SAMD5: variants seen among roughly 807,000 people sequenced by gnomAD.
SAMD5 encodes the protein sterile alpha motif domain containing 5.
A neutral mutation model predicts 11.3 loss-of-function variants in SAMD5; 13 were observed. That is an observed-to-expected ratio of 1.15 (90% CI 0.75 to 1.83). The LOEUF (loss-of-function observed/expected upper bound fraction) is 1.83, where lower values mean the gene tolerates loss of function less well. Among genes scored for constraint, SAMD5 ranks in the 40% most tolerant of loss-of-function variants. The pLI, the probability that SAMD5 is intolerant of heterozygous loss-of-function variation, is 0.00. For missense variants in SAMD5, 255 were observed against 239.1 expected, an observed-to-expected ratio of 1.07 and a Z score of -0.44; for synonymous variants, 129 against 111.3, an observed-to-expected ratio of 1.16 and a Z score of -1.00.
At chr6:147,540,775 G>GA (rs1788587370) in intron 1 of SAMD5, among the ~76,000 whole-genome samples, 1 of 54,430 alleles carries the variant, frequency 1.8e-5, no homozygotes, top group Non-Finnish European at 2.9e-5. Context: ...GACAGAGAGA[G>GA]AGGGGGGGGG....
chr6:147,630,868 C>G (rs998114808), intron 1 of SAMD5, among the ~76,000 whole-genome samples: 19 of 152,000 alleles, frequency 1.3e-4, no homozygotes, highest in Non-Finnish European at 2.5e-4. Context: ...ATCCATAAAC[C>G]CAAAACTCCA....
At chr6:147,894,126 A>ATT in the SAMD5 span, among the ~76,000 whole-genome samples, 353 of 124,146 alleles carry the variant, frequency 2.8e-3, 4 homozygotes, top group East Asian at 0.012. Context: ...TTTGTTTTGT[A>ATT]TTTTTTTTTT....
At position 147,539,600 on chromosome 6, in the gene SAMD5, T is replaced by C. The variant is rs1038670904; in HGVS notation, c.460-24794T>C. Among the ~76,000 whole-genome samples the C allele has an allele frequency of 4.6e-5, 7 of 152,166 alleles. No individual in the cohort carries two copies. In the East Asian group the frequency reaches 9.7e-4, roughly 21 times the overall value. On this transcript the variant is annotated intron_variant, in intron 1 of 1. Transcript: ENST00000367474. ...GGAAAACAGAGGTTTTTGTTTTTTT[T>C]CCCAAAATGGGGCCTGCGGTGCCTT...
the SAMD5 span, among the ~76,000 whole-genome samples, chr6:147,909,007 G>A: frequency 6.6e-6 from 1 of 152,174 alleles, no homozygotes; most frequent in African/African-American, 2.4e-5. Flanking sequence ...CCAGGAGTTC[G>A]AGACCAACCT....
chr6:147,525,693 G>A (rs1449360917), intron 1 of SAMD5, among the ~76,000 whole-genome samples: 6 of 152,116 alleles, frequency 3.9e-5, no homozygotes, highest in South Asian at 4.2e-4. Context: ...CTATGTGAGC[G>A]AAATCAACAC....
intron 1 of SAMD5, among the ~76,000 whole-genome samples, chr6:147,713,124 T>G (rs1315313801): frequency 1.3e-5 from 2 of 152,230 alleles, no homozygotes; most frequent in Non-Finnish European, 2.9e-5. Context: ...CATCACTTCT[T>G]AAAGCAATAC....
At chr6:147,726,527 C>CCCAGGCCCAGGT (rs1195551274) in intron 1 of SAMD5, among the ~76,000 whole-genome samples, 1 of 152,160 alleles carries the variant, frequency 6.6e-6, no homozygotes, top group Non-Finnish European at 1.5e-5. Context: ...GGGGCCCAGG[C>CCCAGGCCCAGGT]CCAGGCCCAG....
chr6:147,942,317 G>A, the SAMD5 span, among the ~76,000 whole-genome samples: 4 of 152,134 alleles, frequency 2.6e-5, no homozygotes, highest in Non-Finnish European at 2.9e-5. Flanking sequence ...TCAGATTTGC[G>A]GAGAATTAGC....
the SAMD5 span, among the ~76,000 whole-genome samples, chr6:147,871,908 C>A: frequency 1.7e-4 from 26 of 152,116 alleles, no homozygotes; most frequent in Non-Finnish European, 1.5e-5. Context: ...CTGTAACTCT[C>A]TTTCTTCAAA....
intron 1 of SAMD5, among the ~76,000 whole-genome samples, chr6:147,671,635 T>G (rs1247144026): frequency 3.3e-5 from 5 of 152,162 alleles, no homozygotes; most frequent in Non-Finnish European, 7.3e-5. Flanking sequence ...TGTTATTAAT[T>G]TTTTGCTTAA....
chr6:147,682,957 A>C (rs1790960485), intron 1 of SAMD5, among the ~76,000 whole-genome samples: 1 of 152,186 alleles, frequency 6.6e-6, no homozygotes, highest in African/African-American at 2.4e-5. Context: ...TTTGTTCTTC[A>C]GTGAAATTCT....
chr6:147,705,368 A>T (rs927987881), intron 1 of SAMD5, among the ~76,000 whole-genome samples: 7 of 152,364 alleles, frequency 4.6e-5, no homozygotes, highest in Admixed American at 1.3e-4. Context: ...CTTTGATATT[A>T]TAAAAAGAAT....
At chr6:147,671,523 A>T (rs747718012) in intron 1 of SAMD5, among the ~76,000 whole-genome samples, 8 of 152,250 alleles carry the variant, frequency 5.3e-5, no homozygotes, top group Admixed American at 1.3e-4. Context: ...CACTTTTAAC[A>T]TACAGAGTTT....
intron 1 of SAMD5, among the ~76,000 whole-genome samples, chr6:147,557,123 G>C (rs923980038): frequency 6.6e-6 from 1 of 151,946 alleles, no homozygotes; most frequent in Non-Finnish European, 1.5e-5. Flanking sequence ...ATAATTTAAA[G>C]TTTGCATCAT....
the SAMD5 span, chr6:147,953,733 T>A: frequency 6.6e-6 from 1 of 152,212 alleles, no homozygotes; most frequent in Non-Finnish European, 1.5e-5. Flanking sequence ...ATATGTGTAA[T>A]GTGTAAAAGT....
At chr6:147,747,821 T>A in the SAMD5 span, among the ~76,000 whole-genome samples, 7 of 152,374 alleles carry the variant, frequency 4.6e-5, no homozygotes, top group African/African-American at 1.7e-4. Flanking sequence ...CTGCGTTGGT[T>A]GTCTTTAGTA....
the SAMD5 span, among the ~76,000 whole-genome samples, chr6:147,897,419 G>A: frequency 6.6e-6 from 1 of 152,182 alleles, no homozygotes; most frequent in South Asian, 2.1e-4. Context: ...GGCCAGGTCA[G>A]CTCCTGCACT....
At chr6:147,940,768 C>T in the SAMD5 span, among the ~76,000 whole-genome samples, 5 of 152,070 alleles carry the variant, frequency 3.3e-5, no homozygotes, top group Admixed American at 3.3e-4. Flanking sequence ...TTAAGACCAG[C>T]CTGGCCAATA....
the SAMD5 span, among the ~76,000 whole-genome samples, chr6:147,895,596 C>G: frequency 6.6e-6 from 1 of 152,172 alleles, no homozygotes; most frequent in Non-Finnish European, 1.5e-5. Flanking sequence ...TTGTTCAGAT[C>G]CTTGAAAGCC....
Sources: gnomAD v4.1 joint callset for allele counts (sites outside exome capture counted in the v4.1 genomes callset) on GRCh38, gnomAD v4.1.1 for gene constraint, MANE v1.5 for transcripts, NCBI Gene and HGNC (gene_info 2026-07-23, HGNC 2026-07-21) for gene names.